The following LRBA variants were observed in gnomAD, a reference collection of about 807,000 sequenced individuals.
LRBA encodes the protein LPS responsive beige-like anchor protein, also known as lipopolysaccharide-responsive and beige-like anchor protein.
Under a neutral mutation model 330.0 loss-of-function variants are expected in LRBA, and 176 were observed. That is an observed-to-expected ratio of 0.53 (90% CI 0.47 to 0.60). The LOEUF is 0.60. LRBA is among the 20% of genes least tolerant of loss of function. The pLI is 0.00. For synonymous variants in LRBA, 1,230 were observed against 1,193.0 expected (o/e 1.03, Z -0.64); for missense variants, 3,259 against 3,444.8 (o/e 0.95, Z 1.35).
chr4:150,308,798 C>T (rs1321696753), intron 52 of LRBA, among the ~76,000 whole-genome samples: 1 of 152,042 alleles, frequency 6.6e-6, no homozygotes, highest in Non-Finnish European at 1.5e-5. Context: ...TATTTTTGTA[C>T]AGTTGTACAA....
chr4:150,579,079 A>G (rs1049415785), intron 40 of LRBA: 1 of 358,406 alleles, frequency 2.8e-6, no homozygotes, highest in African/African-American at 2.1e-5. Context: ...CGGTCTGAAG[A>G]CTTGAAGTGG....
At chr4:150,678,192 G>A (rs1346115949) in intron 37 of LRBA, among the ~76,000 whole-genome samples, 1 of 150,902 alleles carries the variant, frequency 6.6e-6, no homozygotes. Context: ...AGTGAGCTGA[G>A]ATCCTGCCAC....
rs368070297 is a variant in LRBA, at chr4:150,837,313, A to G, written c.4570-5337T>C. Reference sequence around the variant, plus strand: ...AGTTCTGTAGATGTCTATTAGGTCCACTTGGTGCAGAGCTGAGTTCAATTC... The same window carrying G: ...AGTTCTGTAGATGTCTATTAGGTCCGCTTGGTGCAGAGCTGAGTTCAATTC... On this transcript the variant is annotated intron_variant, in intron 28 of 56. Coordinates refer to ENST00000651943, the MANE Select transcript of LRBA (RefSeq NM_001364905.1). 1.9e-3 allele frequency among the ~76,000 whole-genome samples: 296 copies of G among 152,176 alleles called. 1 individual carries two copies. The highest frequency in any genetic ancestry group is 2.7e-3 in the Non-Finnish European group (184 of 67,988).
At chr4:150,805,499 G>GAAAGGAGA (rs56186269) in intron 33 of LRBA, among the ~76,000 whole-genome samples, 1 of 60,160 alleles carries the variant, frequency 1.7e-5, no homozygotes, top group Non-Finnish European at 3.8e-5. Flanking sequence ...AAAGGAGAAG[G>GAAAGGAGA]AGGAGAAAGA....
intron 22 of LRBA, among the ~76,000 whole-genome samples, chr4:150,866,193 G>A (rs1242420728): frequency 6.6e-6 from 1 of 152,122 alleles, no homozygotes; most frequent in Non-Finnish European, 1.5e-5. Context: ...TCTGAGTAAT[G>A]AAAAAGTTCT....
chr4:150,623,158 G>A (rs1331911003), intron 37 of LRBA, among the ~76,000 whole-genome samples: 2 of 152,196 alleles, frequency 1.3e-5, no homozygotes, highest in Non-Finnish European at 2.9e-5. Flanking sequence ...AGCACTGCTG[G>A]TAGAAGACCA....
At chr4:150,340,938 A>G (rs1735452129) in intron 48 of LRBA, among the ~76,000 whole-genome samples, 1 of 152,080 alleles carries the variant, frequency 6.6e-6, no homozygotes, top group African/African-American at 2.4e-5. Context: ...ATTTTATTCT[A>G]TGTTTGATGT....
intron 40 of LRBA, among the ~76,000 whole-genome samples, chr4:150,559,701 T>C: frequency 1.1e-5 from 1 of 90,248 alleles, no homozygotes; most frequent in Non-Finnish European, 2.0e-5. Context: ...ATATATTATA[T>C]ATTATATAAT....
At chr4:150,486,252 T>C (rs1344335531) in intron 42 of LRBA, among the ~76,000 whole-genome samples, 6 of 151,762 alleles carry the variant, frequency 4.0e-5, no homozygotes, top group Admixed American at 4.0e-4. Flanking sequence ...TGGAAAAAAA[T>C]ACCTACTGCA....
chr4:150,618,161 TA>T (rs1374739997), intron 37 of LRBA, among the ~76,000 whole-genome samples: 2 of 152,154 alleles, frequency 1.3e-5, no homozygotes, highest in Non-Finnish European at 2.9e-5. Flanking sequence ...TTCTTGCCTT[TA>T]TAATCACACA....
chr4:150,648,358 C>T (rs1779401654), intron 37 of LRBA, among the ~76,000 whole-genome samples: 1 of 151,734 alleles, frequency 6.6e-6, no homozygotes. Context: ...GACGGATGAA[C>T]AGGTTGAGGC....
chr4:150,672,836 G>C (rs1782184684), intron 37 of LRBA, among the ~76,000 whole-genome samples: 2 of 152,026 alleles, frequency 1.3e-5, no homozygotes, highest in African/African-American at 2.4e-5. Flanking sequence ...CATAAAGCCT[G>C]GCACATAATA....
intron 29 of LRBA, among the ~76,000 whole-genome samples, 188 bp from the exon 30 acceptor site, chr4:150,828,809 T>A (rs937528200): frequency 2.6e-5 from 4 of 152,142 alleles, no homozygotes. Context: ...TCAAGACAGA[T>A]GGTATAATAA....
rs1001814365 is a variant in LRBA at position 150,334,502 on chromosome 4, G to GTA, written c.7363-8606_7363-8605dup. 6.8e-3 allele frequency among the ~76,000 whole-genome samples: 1,026 copies of GTA among 151,608 alleles called. 8 individuals carry two copies. Among genetic ancestry groups the GTA allele is most frequent in the Middle Eastern group, 0.02 (6 of 294 alleles). On this transcript the variant is annotated intron_variant, in intron 48 of 56. Transcript: ENST00000651943. ...GTTTGTATGTTATATATATGTATGT[G>GTA]TATATATATATAACACACATATACT...
chr4:150,868,243 C>A lies in LRBA; in HGVS notation c.2512G>T (p.Val838Phe), dbSNP rs1463168468. Residue 838 changes from valine (V) to phenylalanine (F), a missense_variant, in exon 21 of 57, where the codon GTT becomes TTT. Physicochemically the swap from Val to Phe is conservative, Grantham distance 50. Coordinates refer to ENST00000651943, the MANE Select transcript of LRBA (RefSeq NM_001364905.1). Reference sequence around the variant, plus strand: ...ATGTCAGAAAGAAAGGCTCTGCGAACCTCCATGCTCTCTGGGCACTGGGGA... The same window carrying A: ...ATGTCAGAAAGAAAGGCTCTGCGAAACTCCATGCTCTCTGGGCACTGGGGA... The part of the protein sequence containing the change: ...NSPQCPESME[V>F]RRAFLSDMIK... 1 of 1,612,282 alleles carries A rather than the reference C, an allele frequency of 6.2e-7. No individual in the cohort carries two copies. Among genetic ancestry groups the A allele is most frequent in the Admixed American group, 1.7e-5 (1 of 59,970 alleles).
chr4:150,597,093 C>A lies in LRBA; in HGVS notation c.6046+1914G>T, dbSNP rs752847944. Reference sequence around the variant, plus strand: ...TTACTCAATGCTTACCTTTGCTGTTCTCTCTCAATTTAAAAATGCACACTA... The same window carrying A: ...TTACTCAATGCTTACCTTTGCTGTTATCTCTCAATTTAAAAATGCACACTA... On this transcript the variant is annotated intron_variant, in intron 38 of 56. Transcript: ENST00000651943. The A allele has an allele frequency of 7.2e-6, 10 of 1,397,380 alleles. No homozygotes were observed. Among genetic ancestry groups the A allele is most frequent in the Non-Finnish European group, 9.9e-6 (10 of 1,006,190 alleles). 86.6% of individuals were successfully genotyped at this position (1,397,380 alleles called of 1,614,324 possible). A position where few individuals can be genotyped will look rare whatever the true frequency, so the allele number is the denominator to read the frequency against.
intron 2 of LRBA, among the ~76,000 whole-genome samples, chr4:150,959,579 C>A (rs1219268542): frequency 1.3e-5 from 2 of 148,934 alleles, no homozygotes; most frequent in Non-Finnish European, 2.9e-5. Flanking sequence ...ATAATAATTG[C>A]CATCAAATAT....
At chr4:150,697,332 A>G (rs1055313286) in intron 36 of LRBA, among the ~76,000 whole-genome samples, 12 of 142,728 alleles carry the variant, frequency 8.4e-5, no homozygotes, top group African/African-American at 3.0e-4. Context: ...TCAGAAAAAA[A>G]AAAAAAAAAA....
intron 35 of LRBA, among the ~76,000 whole-genome samples, chr4:150,746,456 C>A (rs532310614): frequency 6.6e-6 from 1 of 151,996 alleles, no homozygotes; most frequent in East Asian, 1.9e-4. Flanking sequence ...TCCAATAGAC[C>A]AAGTACTGCC....
Sources: allele counts gnomAD v4.1 joint callset (sites outside exome capture counted in the v4.1 genomes callset), GRCh38; gene constraint gnomAD v4.1.1; transcripts MANE v1.5; gene names NCBI Gene and HGNC (gene_info 2026-07-23, HGNC 2026-07-21).